Variants in SI observed in about 807,000 individuals in gnomAD.
SI encodes sucrase-isomaltase.
In SI, 235 loss-of-function variants were observed where a neutral mutation model predicts 253.3. That is an observed-to-expected ratio of 0.93 (90% confidence interval 0.83 to 1.03). The LOEUF is 1.03. Among genes scored for constraint, SI ranks in the 50% least tolerant of loss-of-function variants. The probability of loss-of-function intolerance (pLI) is 0.00; values close to 1 mark genes in which losing one functional copy is unlikely to be tolerated. For synonymous variants in SI, 819 were observed against 712.0 expected, an observed-to-expected ratio of 1.15 and a Z score of -2.39; for missense variants, 2,442 against 2,211.1, an observed-to-expected ratio of 1.10 and a Z score of -2.09.
intron 7 of SI, among the ~76,000 whole-genome samples, chr3:165,064,195 T>C (rs1460700863): frequency 6.6e-6 from 1 of 152,058 alleles, no homozygotes; most frequent in Non-Finnish European, 1.5e-5. Context: ...TCCAAAATGA[T>C]ATGTACCTTA....
chr3:164,993,367 A>G (rs1329343706), intron 41 of SI, among the ~76,000 whole-genome samples: 4 of 150,192 alleles, frequency 2.7e-5, no homozygotes, highest in Non-Finnish European at 5.9e-5. Flanking sequence ...GAATCCAGAA[A>G]GAATCTTTTG....
intron 33 of SI, 37 bp downstream of exon 33, chr3:165,015,086 T>C: frequency 6.9e-7 from 1 of 1,442,848 alleles, no homozygotes; most frequent in Non-Finnish European, 9.7e-7. Context: ...AAATATAATT[T>C]TTGTATTTAT....
At chr3:165,076,978 G>GC (rs1715029150) in intron 1 of SI, among the ~76,000 whole-genome samples, 1 of 106,906 alleles carries the variant, frequency 9.4e-6, no homozygotes, top group South Asian at 2.9e-4. Context: ...ATCACGGTTT[G>GC]TTTTTTTTTT....
intron 17 of SI, among the ~76,000 whole-genome samples, chr3:165,041,647 A>T (rs185764337): frequency 6.6e-6 from 1 of 152,254 alleles, no homozygotes; most frequent in Non-Finnish European, 1.5e-5. Flanking sequence ...AGCTACCTGG[A>T]CAGCCTGTAG....
intron 25 of SI, among the ~76,000 whole-genome samples, chr3:165,026,001 G>A (rs543368088): frequency 1.3e-5 from 2 of 151,460 alleles, no homozygotes; most frequent in African/African-American, 2.4e-5. Flanking sequence ...GACATTGAAA[G>A]TAAATGGCCT....
At chr3:165,075,608 A>C (rs145504705) in intron 2 of SI, among the ~76,000 whole-genome samples, 1,554 of 152,074 alleles carry the variant, frequency 0.01, 26 homozygotes, top group African/African-American at 0.035. Context: ...GTAGGCGATT[A>C]TTCCACCTTA....
intron 19 of SI, among the ~76,000 whole-genome samples, chr3:165,039,495 G>T (rs565366393): frequency 1.6e-4 from 25 of 152,074 alleles, no homozygotes; most frequent in Admixed American, 1.6e-3. Context: ...ACCCACTCCA[G>T]TGTTTCTCCA....
At position 165,008,144 on chromosome 3, in the gene SI, C is replaced by T. The variant is rs567935334; in HGVS notation, c.4180-146G>A. 4.4e-5 allele frequency: 22 copies of T among 503,616 alleles called. No homozygotes were observed. The Admixed American group carries it at 6.8e-4, about 16-fold the overall frequency. The allele number at this position is 503,616 out of a possible 1,614,324, so 31.2% of individuals were successfully genotyped here. A position where few individuals can be genotyped will look rare whatever the true frequency, so the allele number is the denominator to read the frequency against. On this transcript the variant is annotated intron_variant, in intron 35 of 47. Transcript: ENST00000264382. ...ATTCTAAACAAACAAAATTGTAAAA[C>T]ATCTCAATGATATTAGTTTATCTCA... is the stretch of plus-strand genomic sequence containing the variant.
chr3:165,040,910 A>G (rs1428668314), intron 18 of SI, 30 bp downstream of exon 18: 1 of 1,540,970 alleles, frequency 6.5e-7, no homozygotes, highest in Non-Finnish European at 9.0e-7. Flanking sequence ...TTTAAAAGGT[A>G]TTATTATAAT....
intron 8 of SI, among the ~76,000 whole-genome samples, 162 bp from the exon 9 acceptor site, chr3:165,062,645 A>G (rs1035841400): frequency 6.6e-6 from 1 of 152,108 alleles, no homozygotes; most frequent in African/African-American, 2.4e-5. Flanking sequence ...AACATAGGAA[A>G]AAAGTAAAAC....
In SI at chr3:165,009,857, C is replaced by T. The variant is rs563953498; in HGVS notation, c.4063-462G>A. Reference sequence around the variant, plus strand: ...TCTTTTTTTGTCTCTCACATCTAGCCCTTCTCATCCCAACAGAGAAGAGGT... The same window carrying T: ...TCTTTTTTTGTCTCTCACATCTAGCTCTTCTCATCCCAACAGAGAAGAGGT... On this transcript the variant is annotated intron_variant, in intron 34 of 47. Coordinates refer to ENST00000264382, the MANE Select transcript of SI (RefSeq NM_001041.4). 5.3e-5 allele frequency among the ~76,000 whole-genome samples: 8 copies of T among 152,218 alleles called. No homozygotes were observed. In the East Asian group the frequency reaches 1.6e-3, roughly 29 times the overall value.
rs767681900 is a variant in SI at position 165,039,069 on chromosome 3, G to A, written c.2301+9C>T. 25 of 1,554,266 alleles carry A rather than the reference G, an allele frequency of 1.6e-5. No individual in the cohort carries two copies. The highest frequency in any genetic ancestry group is 1.9e-4 in the Middle Eastern group (1 of 5,204). ...CTTGTGAGTCCATTAGTATGTTAAG[G>A]TTACTTACAGATTCATAATCATACC... On this transcript the variant is annotated intron_variant, in intron 20 of 47. Transcript: ENST00000264382.
intron 26 of SI, among the ~76,000 whole-genome samples, chr3:165,022,135 TA>T (rs1272276094): frequency 1.3e-5 from 2 of 151,652 alleles, no homozygotes; most frequent in Non-Finnish European, 3.0e-5. Context: ...GAGGTCTTGA[TA>T]TTTTTTCTTG....
intron 3 of SI, among the ~76,000 whole-genome samples, chr3:165,071,092 A>G (rs1195574856): frequency 6.6e-6 from 1 of 152,130 alleles, no homozygotes; most frequent in African/African-American, 2.4e-5. Flanking sequence ...AAATTAATTT[A>G]CTACGACTAC....
Position 165,013,022 on chromosome 3 carries a change from G to A in SI, c.4020C>T (p.Asn1340=), listed in dbSNP as rs1718841274. ...CWAKVWPDLP[N]ITIDKTLTED... ...CCGTTAGAGTTTTATCTATTGTTAT[G>A]TTGGGCAAATCTGGCCAAACCTACA... Residue 1340 remains asparagine (N), a synonymous_variant, in exon 34 of 48, where the codon AAC becomes AAT. Transcript: ENST00000264382. 3 of 1,610,106 alleles carry A rather than the reference G, an allele frequency of 1.9e-6. No individual in the cohort carries two copies. Among genetic ancestry groups the A allele is most frequent in the Non-Finnish European group, 2.5e-6 (3 of 1,176,734 alleles).
intron 40 of SI, among the ~76,000 whole-genome samples, chr3:164,994,610 T>G (rs1717926939): frequency 6.6e-6 from 1 of 151,804 alleles, no homozygotes; most frequent in Non-Finnish European, 1.5e-5. Context: ...TAAGAGAAAT[T>G]CAAATTAAAT....
intron 13 of SI, 48 bp from the exon 14 acceptor site, chr3:165,049,923 T>C (rs755039913): frequency 2.6e-6 from 3 of 1,152,700 alleles, no homozygotes; most frequent in African/African-American, 1.5e-5. Flanking sequence ...TAATTATAAA[T>C]CCTATTAGCA....
intron 7 of SI, among the ~76,000 whole-genome samples, chr3:165,064,439 TG>T (rs933732676): frequency 1.3e-5 from 2 of 152,042 alleles, no homozygotes; most frequent in African/African-American, 2.4e-5. Flanking sequence ...CTGTACCAAA[TG>T]AAACTCTTTA....
At chr3:165,004,776 G>A (rs1198464665) in intron 37 of SI, among the ~76,000 whole-genome samples, 13 of 152,078 alleles carry the variant, frequency 8.5e-5, no homozygotes, top group Admixed American at 3.3e-4. Context: ...GAATATAGAC[G>A]GGAGAAGGAT....
Sources: gnomAD v4.1 joint callset for allele counts (sites outside exome capture counted in the v4.1 genomes callset) on GRCh38, gnomAD v4.1.1 for gene constraint, MANE v1.5 for transcripts, NCBI Gene and HGNC (gene_info 2026-07-23, HGNC 2026-07-21) for gene names.